The following DNAJC25 variants were observed in gnomAD, a reference collection of about 807,000 sequenced individuals.
DNAJC25 encodes the protein DnaJ heat shock protein family (Hsp40) member C25, also known as dnaJ homolog subfamily C member 25.
Under a neutral mutation model 42.1 loss-of-function variants are expected in DNAJC25, and 26 were observed. That is an observed-to-expected ratio of 0.62 (90% confidence interval 0.45 to 0.86). The LOEUF is 0.86. DNAJC25 is among the 40% of genes least tolerant of loss of function. The probability of loss-of-function intolerance (pLI) is 0.00; values close to 1 mark genes in which losing one functional copy is unlikely to be tolerated. For synonymous variants in DNAJC25, 189 were observed against 179.9 expected (o/e 1.05, Z -0.40); for missense variants, 404 against 459.4 (o/e 0.88, Z 1.10).
At chr9:111,639,922 C>CTCCG (rs1830421526) in intron 1 of DNAJC25, among the ~76,000 whole-genome samples, 3 of 132,802 alleles carry the variant, frequency 2.3e-5, no homozygotes, top group Admixed American at 8.0e-5. Context: ...CTCCCTCTCC[C>CTCCG]TCTCCCTCTC....
intron 3 of DNAJC25, among the ~76,000 whole-genome samples, chr9:111,652,747 A>G (rs1047399559): frequency 2.0e-5 from 3 of 151,330 alleles, no homozygotes; most frequent in Admixed American, 6.6e-5. Context: ...GGGTTTCACC[A>G]TGTTGGCCAG....
chr9:111,631,422 G>A lies in DNAJC25; in HGVS notation c.15G>A (p.Leu5=). 7.7e-7 allele frequency: 1 copy of A among 1,292,192 alleles called. No homozygotes were observed. Among genetic ancestry groups the A allele is most frequent in the Non-Finnish European group, 9.8e-7 (1 of 1,024,780 alleles). 80.0% of individuals were successfully genotyped at this position (1,292,192 alleles called of 1,614,324 possible). MGAP[L]LSPGWGAGAA... ...CGAGGCTGGGGATGGGGGCGCCGCT[G>A]CTCTCTCCCGGCTGGGGAGCCGGGG... The change falls in exon 1 of 4, where the codon CTG becomes CTA. Residue 5 remains leucine, a synonymous_variant. Transcript: ENST00000313525.
chr9:111,632,235 G>A (rs1223997687), intron 1 of DNAJC25, among the ~76,000 whole-genome samples: 2 of 152,208 alleles, frequency 1.3e-5, no homozygotes, highest in Admixed American at 1.3e-4. Flanking sequence ...ATGAACACCA[G>A]TCAAAAGGCT....
At chr9:111,641,114 C>G (rs1480734466) in intron 1 of DNAJC25, among the ~76,000 whole-genome samples, 573 of 84,168 alleles carry the variant, frequency 6.8e-3, no homozygotes, top group Admixed American at 0.011. Context: ...GCCACCCCGT[C>G]CGGGAGGGAG....
At chr9:111,647,598 G>GAAATC (rs1830586692) in intron 2 of DNAJC25, among the ~76,000 whole-genome samples, 1 of 152,160 alleles carries the variant, frequency 6.6e-6, no homozygotes, top group Non-Finnish European at 1.5e-5. Context: ...AAACTTGGGA[G>GAAATC]AAATCTGAAT....
At chr9:111,631,891 A>G (rs1250399581) in intron 1 of DNAJC25, 148 bp downstream of exon 1, 1 of 1,378,134 alleles carries the variant, frequency 7.3e-7, no homozygotes. Context: ...CACGTTTCCC[A>G]CGTGGCCCTG....
In DNAJC25 at chr9:111,647,140, C is replaced by G. The variant is rs1305660140; in HGVS notation, c.370C>G (p.Leu124Val). ...EETRKDYDYM[L>V]DHPEEYYSHY... ...AACACGAAAAGATTATGATTACATG[C>G]TGGATCATCCAGAAGAGTACTACAG... is the stretch of plus-strand genomic sequence containing the variant. Residue 124 changes from leucine to valine, a missense_variant, in exon 2 of 4, where the codon CTG becomes GTG. Leu to Val is a conservative substitution (Grantham distance 32). Coordinates refer to ENST00000313525, the MANE Select transcript of DNAJC25 (RefSeq NM_001015882.3). 17 of 1,613,994 alleles carry G rather than the reference C, an allele frequency of 1.1e-5. No individual in the cohort carries two copies. The highest frequency in any genetic ancestry group is 2.7e-5 in the African/African-American group (2 of 75,032).
chr9:111,643,494 A>C (rs1025732523), intron 1 of DNAJC25, among the ~76,000 whole-genome samples: 1 of 152,220 alleles, frequency 6.6e-6, no homozygotes, highest in Admixed American at 6.5e-5. Context: ...TAAAGGATTA[A>C]TAGGACTCAT....
chr9:111,634,603 CCTGTAT>C (rs2131254858), intron 1 of DNAJC25, among the ~76,000 whole-genome samples: 1 of 152,152 alleles, frequency 6.6e-6, no homozygotes, highest in African/African-American at 2.4e-5. Flanking sequence ...GATGCAGAAG[CCTGTAT>C]CTGAATGTTG....
chr9:111,647,032 T>C (rs1830576349), intron 1 of DNAJC25, 75 bp from the exon 2 acceptor site: 2 of 1,409,774 alleles, frequency 1.4e-6, no homozygotes, highest in Non-Finnish European at 1.9e-6. Flanking sequence ...AAATTCTATA[T>C]GTGATTTAAC....
At position 111,653,069 on chromosome 9, in the gene DNAJC25, T is replaced by A. The variant is rs1261736537; in HGVS notation, c.961-31T>A. Reference sequence around the variant, plus strand: ...TAATGGCAAATGTTCCTCTTTGGATTGTGAAGTCATCTAGTTATTTATACT... The same window carrying A: ...TAATGGCAAATGTTCCTCTTTGGATAGTGAAGTCATCTAGTTATTTATACT... On this transcript the variant is annotated intron_variant, in intron 3 of 3. Transcript: ENST00000313525. 3 of 1,540,144 alleles carry A rather than the reference T, an allele frequency of 1.9e-6. No homozygotes were observed. The African/African-American group carries it at 4.2e-5, about 21-fold the overall frequency.
intron 1 of DNAJC25, among the ~76,000 whole-genome samples, chr9:111,634,431 T>C (rs778255755): frequency 5.9e-5 from 9 of 152,352 alleles, no homozygotes; most frequent in Non-Finnish European, 1.0e-4. Context: ...TTGCACATTA[T>C]CCGTTGAGGC....
At chr9:111,636,562 C>G (rs915077883) in intron 1 of DNAJC25, among the ~76,000 whole-genome samples, 8 of 152,146 alleles carry the variant, frequency 5.3e-5, no homozygotes, top group African/African-American at 1.7e-4. Flanking sequence ...TCAAGCAGTC[C>G]TCCTGCCTCA....
intron 1 of DNAJC25, among the ~76,000 whole-genome samples, chr9:111,641,869 C>G (rs1320900621): frequency 5.6e-5 from 8 of 141,718 alleles, no homozygotes; most frequent in African/African-American, 1.3e-4. Context: ...CGCCTCTGCC[C>G]GGCCGCCCCT....
At chr9:111,641,245 C>T (rs1830456384) in intron 1 of DNAJC25, among the ~76,000 whole-genome samples, 1 of 146,240 alleles carries the variant, frequency 6.8e-6, no homozygotes, top group Admixed American at 6.8e-5. Context: ...AGCCCTCCCC[C>T]CGGCCAGCCG....
chr9:111,643,714 A>G (rs1830522451), intron 1 of DNAJC25, among the ~76,000 whole-genome samples: 1 of 151,710 alleles, frequency 6.6e-6, no homozygotes, highest in Non-Finnish European at 1.5e-5. Context: ...AACTTTGGCC[A>G]TGGGAAAGCA....
chr9:111,651,455 T>G (rs756422128), intron 3 of DNAJC25, among the ~76,000 whole-genome samples: 1 of 152,188 alleles, frequency 6.6e-6, no homozygotes, highest in Non-Finnish European at 1.5e-5. Context: ...GGGTGAATTA[T>G]ATGTTATTGT....
At chr9:111,633,011 A>C (rs1245070256) in intron 1 of DNAJC25, among the ~76,000 whole-genome samples, 1 of 152,132 alleles carries the variant, frequency 6.6e-6, no homozygotes, top group Non-Finnish European at 1.5e-5. Context: ...CAGTTAACTG[A>C]GGGATGGCTG....
chr9:111,649,352 G>C, intron 2 of DNAJC25, 101 bp from the exon 3 acceptor site: 1 of 1,420,894 alleles, frequency 7.0e-7, no homozygotes, highest in South Asian at 1.7e-5. Context: ...TAATTGTAAT[G>C]GTTTCTTGGG....
Sources: allele counts gnomAD v4.1 joint callset (sites outside exome capture counted in the v4.1 genomes callset), GRCh38; gene constraint gnomAD v4.1.1; transcripts MANE v1.5; gene names NCBI Gene and HGNC (gene_info 2026-07-23, HGNC 2026-07-21).